ZC3H15: variants seen among roughly 807,000 people sequenced by gnomAD.
ZC3H15 encodes zinc finger CCCH-type containing 15.
A neutral mutation model predicts 51.2 loss-of-function variants in ZC3H15; 15 were observed. The observed-to-expected ratio is 0.29, with a 90% confidence interval of 0.20 to 0.45. ZC3H15 has a LOEUF of 0.45. ZC3H15 is among the 20% of genes least tolerant of loss of function. The probability of loss-of-function intolerance (pLI) is 1.00; values close to 1 mark genes in which losing one functional copy is unlikely to be tolerated. For missense variants in ZC3H15, 381 were observed against 494.7 expected (o/e 0.77, Z 2.18); for synonymous variants, 144 against 162.8 (o/e 0.88, Z 0.88).
At chr2:186,503,254 T>G (rs557391174) in intron 5 of ZC3H15, among the ~76,000 whole-genome samples, 1 of 152,370 alleles carries the variant, frequency 6.6e-6, no homozygotes, top group East Asian at 1.9e-4. Context: ...TTAAATACAA[T>G]TGTATCTTCT....
At position 186,509,165 on chromosome 2, in the gene ZC3H15, A is replaced by G. The variant is rs1469503827; in HGVS notation, c.*432A>G. 5 of 387,696 alleles carry G rather than the reference A, an allele frequency of 1.3e-5. No homozygotes were observed. Among genetic ancestry groups the G allele is most frequent in the Non-Finnish European group, 2.5e-5 (5 of 197,480 alleles). 24.0% of individuals were successfully genotyped at this position (387,696 alleles called of 1,614,324 possible). A position where few individuals can be genotyped will look rare whatever the true frequency, so the allele number is the denominator to read the frequency against. On this transcript the variant is annotated 3_prime_UTR_variant, in exon 10 of 10. Coordinates refer to ENST00000337859, the MANE Select transcript of ZC3H15 (RefSeq NM_018471.3). Reference sequence around the variant, plus strand: ...TTAGAAGACTGCCTAAAACATGAGCACTGTACTTCATAAAGGAAACTGCGT... The same window carrying G: ...TTAGAAGACTGCCTAAAACATGAGCGCTGTACTTCATAAAGGAAACTGCGT...
chr2:186,501,214 A>T (rs1023171626), intron 3 of ZC3H15, 59 bp from the exon 4 acceptor site: 1 of 1,479,270 alleles, frequency 6.8e-7, no homozygotes, highest in Admixed American at 2.2e-5. Flanking sequence ...TTTCAGGTAG[A>T]ATCTATACTT....
chr2:186,486,686 G>A (rs1391996000), intron 1 of ZC3H15, among the ~76,000 whole-genome samples: 1 of 152,170 alleles, frequency 6.6e-6, no homozygotes, highest in African/African-American at 2.4e-5. Context: ...CCACACGCCC[G>A]TGTTCACCCA....
intron 1 of ZC3H15, among the ~76,000 whole-genome samples, chr2:186,493,183 T>C (rs1012850926): frequency 6.6e-6 from 1 of 150,812 alleles, no homozygotes; most frequent in African/African-American, 2.4e-5. Context: ...GGCTGAAAAC[T>C]AGAAGTTAAA....
At position 186,500,227 on chromosome 2, in the gene ZC3H15, A is replaced by C; in HGVS notation, c.223A>C (p.Lys75Gln). The change falls in exon 3 of 10, where the codon AAG (lysine) becomes CAG (glutamine). Residue 75 changes from lysine (K) to glutamine (Q), a missense_variant. Transcript: ENST00000337859. The stretch of plus-strand genomic sequence containing the variant: ...AAAGAAATTGAAGAAGGATGACAAG[A>C]AGAAAGAATTGCAGGAGCTAAATGA... ...AEKKLKKDDK[K>Q]KELQELNELF... The C allele has an allele frequency of 6.2e-7, 1 of 1,613,790 alleles. No homozygotes were observed. Among genetic ancestry groups the C allele is most frequent in the Non-Finnish European group, 8.5e-7 (1 of 1,179,888 alleles).
chr2:186,502,620 T>C (rs779819654), intron 5 of ZC3H15, 33 bp downstream of exon 5: 4 of 1,529,940 alleles, frequency 2.6e-6, no homozygotes, highest in Non-Finnish European at 3.6e-6. Flanking sequence ...GTTGCTGTGA[T>C]ATTTATCATT....
In ZC3H15 at chr2:186,501,318, A is replaced by G. The variant is rs1292732552; in HGVS notation, c.335A>G (p.Gln112Arg). The change falls in exon 4 of 10, where the codon CAG becomes CGG. Residue 112 changes from glutamine (Q) to arginine (R), a missense_variant. By Grantham distance (43) the Gln-to-Arg change is conservative (BLOSUM62 1). Transcript: ENST00000337859. ...SVVCAFFKQGQCTKGDKCKFS... is the reference protein window; with the variant it reads ...SVVCAFFKQGRCTKGDKCKFS... ...GTATGTGCATTCTTCAAGCAAGGAC[A>G]GTGTACTAAAGGAGATAAGTGTAAG... 1.2e-6 allele frequency: 2 copies of G among 1,613,364 alleles called. No homozygotes were observed.
intron 1 of ZC3H15, chr2:186,487,395 C>T (rs966866286): frequency 2.6e-5 from 4 of 152,168 alleles, no homozygotes; most frequent in Non-Finnish European, 4.4e-5. Context: ...ATTAATCCTC[C>T]TCATAATTAA....
In ZC3H15 at chr2:186,486,322, G is replaced by A; in HGVS notation, c.-61G>A. The A allele has an allele frequency of 6.9e-7, 1 of 1,459,812 alleles. No individual in the cohort carries two copies. The highest frequency in any genetic ancestry group is 2.5e-5 in the Admixed American group (1 of 40,648). The allele number at this position is 1,459,812 out of a possible 1,614,324, so 90.4% of individuals were successfully genotyped here. On this transcript the variant is annotated 5_prime_UTR_variant, in exon 1 of 10. Transcript: ENST00000337859. The stretch of plus-strand genomic sequence containing the variant: ...GTCTTCCTCCTCGTCCTGCCGCAGG[G>A]CCAGAACCCCTGACGGTATTCAGCT...
At chr2:186,492,428 T>G (rs141124489) in intron 1 of ZC3H15, among the ~76,000 whole-genome samples, 1,696 of 152,344 alleles carry the variant, frequency 0.011, 19 homozygotes, top group South Asian at 0.048. Flanking sequence ...TTGTGCTTCT[T>G]ACCTTTTTTC....
At chr2:186,496,937 C>T (rs1257191473) in intron 2 of ZC3H15, among the ~76,000 whole-genome samples, 1 of 152,140 alleles carries the variant, frequency 6.6e-6, no homozygotes, top group Non-Finnish European at 1.5e-5. Context: ...AGTCTCAAGG[C>T]AAGTCTTTTC....
chr2:186,486,299 C>G lies in ZC3H15; in HGVS notation c.-84C>G. The G allele has an allele frequency of 1.5e-6, 2 of 1,352,036 alleles. No homozygotes were observed. The highest frequency in any genetic ancestry group is 1.9e-6 in the Non-Finnish European group (2 of 1,030,894). The allele number at this position is 1,352,036 out of a possible 1,614,324, so 83.8% of individuals were successfully genotyped here. On this transcript the variant is annotated 5_prime_UTR_variant, in exon 1 of 10. Transcript: ENST00000337859. ...GCGGTGCGGCGAGTGAGGCCCCGGT[C>G]TTCCTCCTCGTCCTGCCGCAGGGCC...
rs929543235 is a variant in ZC3H15, at chr2:186,509,081, A to C, written c.*348A>C. 6.4e-6 allele frequency: 3 copies of C among 466,734 alleles called. No individual in the cohort carries two copies. The highest frequency in any genetic ancestry group is 1.3e-5 in the Non-Finnish European group (3 of 234,224). The allele number at this position is 466,734 out of a possible 1,614,324, so 28.9% of individuals were successfully genotyped here. On this transcript the variant is annotated 3_prime_UTR_variant, in exon 10 of 10. Transcript: ENST00000337859. Reference sequence around the variant, plus strand: ...CAGAAACAACAAACTTATATTTAAAATACCCTTCATTTGACACAGTTTTTA... The same window carrying C: ...CAGAAACAACAAACTTATATTTAAACTACCCTTCATTTGACACAGTTTTTA...
At chr2:186,491,653 C>T (rs1685201101) in intron 1 of ZC3H15, among the ~76,000 whole-genome samples, 1 of 152,164 alleles carries the variant, frequency 6.6e-6, no homozygotes, top group Non-Finnish European at 1.5e-5. Context: ...GGCAGTCTGG[C>T]TCCAGAGTTT....
chr2:186,508,812 A>G lies in ZC3H15; in HGVS notation c.*79A>G, dbSNP rs1289375685. ...CTACATTAATTTCTTTCCACCTAGAATCAACAGGATGTTTATTTCCTATGC... is the reference window on the plus strand; with the variant it reads ...CTACATTAATTTCTTTCCACCTAGAGTCAACAGGATGTTTATTTCCTATGC... On this transcript the variant is annotated 3_prime_UTR_variant, in exon 10 of 10. Coordinates refer to ENST00000337859, the MANE Select transcript of ZC3H15 (RefSeq NM_018471.3). The G allele has an allele frequency of 1.4e-6, 2 of 1,451,816 alleles. No homozygotes were observed. Among genetic ancestry groups the G allele is most frequent in the Admixed American group, 1.9e-5 (1 of 52,364 alleles). The allele number at this position is 1,451,816 out of a possible 1,614,324, so 89.9% of individuals were successfully genotyped here. A position where few individuals can be genotyped will look rare whatever the true frequency, so the allele number is the denominator to read the frequency against.
chr2:186,501,199 T>C, intron 3 of ZC3H15, 74 bp from the exon 4 acceptor site: 6 of 1,429,798 alleles, frequency 4.2e-6, no homozygotes, highest in Non-Finnish European at 4.6e-6. Context: ...CCAAAATTCA[T>C]CATATTTCAG....
At chr2:186,501,765 G>C (rs1685388202) in intron 4 of ZC3H15, among the ~76,000 whole-genome samples, 1 of 151,210 alleles carries the variant, frequency 6.6e-6, no homozygotes, top group Non-Finnish European at 1.5e-5. Flanking sequence ...AGACTGGAGT[G>C]CAGTGGCACG....
intron 1 of ZC3H15, chr2:186,487,248 G>T (rs1276716275): frequency 6.6e-6 from 1 of 152,094 alleles, no homozygotes; most frequent in Non-Finnish European, 1.5e-5. Context: ...GCCAAGGAAC[G>T]CTATTGACGT....
intron 1 of ZC3H15, among the ~76,000 whole-genome samples, chr2:186,492,785 ATTAC>A (rs1175123286): frequency 1.3e-5 from 2 of 152,026 alleles, no homozygotes; most frequent in East Asian, 3.9e-4. Flanking sequence ...TCTACTCATT[ATTAC>A]TTTTCCTTTC....
Sources: allele counts gnomAD v4.1 joint callset (sites outside exome capture counted in the v4.1 genomes callset), GRCh38; gene constraint gnomAD v4.1.1; transcripts MANE v1.5; gene names NCBI Gene and HGNC (gene_info 2026-07-23, HGNC 2026-07-21).